Variants in DSCAM observed in about 807,000 individuals in gnomAD.
DSCAM encodes the protein cell adhesion molecule DSCAM.
Under a neutral mutation model 217.7 loss-of-function variants are expected in DSCAM, and 47 were observed. The ratio of observed to expected loss-of-function variants is 0.22; its 90% confidence interval spans 0.17 to 0.28. The LOEUF is 0.28. Among genes scored for constraint, DSCAM ranks in the 10% least tolerant of loss-of-function variants. DSCAM has a pLI of 1.00. For synonymous variants in DSCAM, 1,056 were observed against 1,015.3 expected, an observed-to-expected ratio of 1.04 and a Z score of -0.76; for missense variants, 2,080 against 2,618.3, an observed-to-expected ratio of 0.79 and a Z score of 4.49.
rs559431533 is a variant in DSCAM at position 40,771,584 on chromosome 21, A to G, written c.44-62813T>C. 1.1e-4 allele frequency among the ~76,000 whole-genome samples: 17 copies of G among 152,292 alleles called. No individual in the cohort carries two copies. In the South Asian group the frequency reaches 3.1e-3, roughly 28 times the overall value. ...GTTCATAAAAGCAACACCGGAACTC[A>G]CTCACTCTGCCTTCTCCATCCCTCT... On this transcript the variant is annotated intron_variant, in intron 1 of 32. Transcript: ENST00000400454.
intron 20 of DSCAM, among the ~76,000 whole-genome samples, chr21:40,105,612 ACT>A (rs1469531467): frequency 6.6e-6 from 1 of 152,186 alleles, no homozygotes; most frequent in East Asian, 1.9e-4. Context: ...GCCATGCTGA[ACT>A]GTAAGTCAAT....
intron 3 of DSCAM, among the ~76,000 whole-genome samples, chr21:40,621,793 G>T (rs1334369821): frequency 2.0e-5 from 3 of 151,302 alleles, no homozygotes; most frequent in African/African-American, 7.3e-5. Context: ...GAGCTGTTAA[G>T]AATTGCTGTT....
At chr21:40,670,291 C>A (rs952919892) in intron 3 of DSCAM, among the ~76,000 whole-genome samples, 3 of 152,176 alleles carry the variant, frequency 2.0e-5, no homozygotes, top group African/African-American at 7.2e-5. Context: ...CCCCTGGTAA[C>A]CACCGTTCTA....
rs144870645 is a variant in DSCAM at position 40,562,877 on chromosome 21, G to A, written c.508+129933C>T. 1.5e-3 allele frequency among the ~76,000 whole-genome samples: 225 copies of A among 152,314 alleles called. 2 individuals carry two copies. Among genetic ancestry groups the A allele is most frequent in the African/African-American group, 5.1e-3 (212 of 41,582 alleles). Reference sequence around the variant, plus strand: ...AAAAGGACCAGAGACAGAAAGGGCAGCAATACGTCTGTCGCCTGCACGACA... The same window carrying A: ...AAAAGGACCAGAGACAGAAAGGGCAACAATACGTCTGTCGCCTGCACGACA... On this transcript the variant is annotated intron_variant, in intron 3 of 32. Transcript: ENST00000400454.
At chr21:40,670,520 G>C (rs910054332) in intron 3 of DSCAM, among the ~76,000 whole-genome samples, 2 of 137,154 alleles carry the variant, frequency 1.5e-5, no homozygotes, top group African/African-American at 5.4e-5. Context: ...CCTGGTGACA[G>C]AGCGAGACTC....
intron 11 of DSCAM, among the ~76,000 whole-genome samples, chr21:40,264,766 C>G (rs2073500307): frequency 6.6e-6 from 1 of 152,146 alleles, no homozygotes; most frequent in Non-Finnish European, 1.5e-5. Flanking sequence ...GTAAAACTAC[C>G]TCTGTTAGAA....
chr21:40,080,271 C>G lies in DSCAM; in HGVS notation c.4301G>C (p.Arg1434Pro). Residue 1434 changes from arginine to proline, a missense_variant, in exon 25 of 33, where the codon CGT becomes CCT. Transcript: ENST00000400454. ...WGSFPISPSE[R>P]SYRLENLKCG... is the part of the protein sequence containing the mutation. ...TTTGAGATTTTCCAAGCGATAGGAA[C>G]GTTCGCTGGGGCTGATTGGAAAACT... is the stretch of plus-strand genomic sequence containing the variant. 6.2e-7 allele frequency: 1 copy of G among 1,613,578 alleles called. No individual in the cohort carries two copies. Among genetic ancestry groups the G allele is most frequent in the Non-Finnish European group, 8.5e-7 (1 of 1,179,922 alleles).
At chr21:40,427,551 A>T (rs1359288293) in intron 3 of DSCAM, among the ~76,000 whole-genome samples, 2 of 152,202 alleles carry the variant, frequency 1.3e-5, no homozygotes, top group African/African-American at 4.8e-5. Flanking sequence ...CCTGCAGTCA[A>T]CATTCAGAAT....
At chr21:40,709,650 C>T (rs2090756322) in intron 1 of DSCAM, among the ~76,000 whole-genome samples, 1 of 152,200 alleles carries the variant, frequency 6.6e-6, no homozygotes, top group Non-Finnish European at 1.5e-5. Flanking sequence ...TCATCTACAT[C>T]CCTGCAAAGG....
At chr21:40,651,121 C>T (rs1333095234) in intron 3 of DSCAM, among the ~76,000 whole-genome samples, 2 of 152,134 alleles carry the variant, frequency 1.3e-5, no homozygotes, top group East Asian at 1.9e-4. Flanking sequence ...TTTGTGGGTG[C>T]ACAGCTGAAG....
intron 20 of DSCAM, among the ~76,000 whole-genome samples, chr21:40,098,683 C>T (rs540077023): frequency 6.6e-6 from 1 of 152,362 alleles, no homozygotes; most frequent in Admixed American, 6.5e-5. Context: ...CACTATATCT[C>T]TTAATTGTCA....
At chr21:40,137,604 C>CACACAT (rs1186278928) in intron 18 of DSCAM, among the ~76,000 whole-genome samples, 100 of 106,908 alleles carry the variant, frequency 9.4e-4, no homozygotes, top group African/African-American at 3.7e-3. Context: ...TACACACACA[C>CACACAT]ACACACACAC....
intron 3 of DSCAM, among the ~76,000 whole-genome samples, chr21:40,645,599 A>T (rs1367181816): frequency 2.6e-5 from 4 of 152,194 alleles, no homozygotes; most frequent in Non-Finnish European, 5.9e-5. Flanking sequence ...CCTAAATCTC[A>T]TAGCAATCAG....
At chr21:40,301,085 T>A (rs1223793568) in intron 9 of DSCAM, among the ~76,000 whole-genome samples, 1 of 152,180 alleles carries the variant, frequency 6.6e-6, no homozygotes, top group African/African-American at 2.4e-5. Context: ...GCCAATTCTG[T>A]GCCTCACACT....
At chr21:40,761,548 GA>G (rs1026776600) in intron 1 of DSCAM, among the ~76,000 whole-genome samples, 1 of 151,472 alleles carries the variant, frequency 6.6e-6, no homozygotes, top group African/African-American at 2.4e-5. Flanking sequence ...ACAGCTCTCA[GA>G]AAAAAAACAA....
intron 3 of DSCAM, among the ~76,000 whole-genome samples, chr21:40,370,230 T>C (rs530810521): frequency 1.5e-3 from 231 of 150,998 alleles, no homozygotes; most frequent in African/African-American, 5.4e-3. Flanking sequence ...TTCCCTAAGA[T>C]AATAAAATTT....
chr21:40,433,250 G>A (rs761253473), intron 3 of DSCAM, among the ~76,000 whole-genome samples: 1 of 151,560 alleles, frequency 6.6e-6, no homozygotes, highest in Non-Finnish European at 1.5e-5. Flanking sequence ...GCGGGAGGCT[G>A]AGGCAGAAGA....
chr21:40,755,403 G>A (rs1343613575), intron 1 of DSCAM, among the ~76,000 whole-genome samples: 1 of 152,146 alleles, frequency 6.6e-6, no homozygotes, highest in Non-Finnish European at 1.5e-5. Flanking sequence ...CTGAGATCAT[G>A]TCATTGCATT....
intron 11 of DSCAM, among the ~76,000 whole-genome samples, chr21:40,246,119 A>G (rs905083673): frequency 6.6e-6 from 1 of 151,710 alleles, no homozygotes; most frequent in Non-Finnish European, 1.5e-5. Context: ...CTCTCAAATA[A>G]AAGCCAAAGG....
Sources: gnomAD v4.1 joint callset for allele counts (sites outside exome capture counted in the v4.1 genomes callset) on GRCh38, gnomAD v4.1.1 for gene constraint, MANE v1.5 for transcripts, NCBI Gene and HGNC (gene_info 2026-07-23, HGNC 2026-07-21) for gene names.